The following FBXL17 variants were observed in gnomAD, a reference collection of about 807,000 sequenced individuals.
FBXL17 encodes F-box/LRR-repeat protein 17.
Under a neutral mutation model 66.2 loss-of-function variants are expected in FBXL17, and 22 were observed. That is an observed-to-expected ratio of 0.33 (90% CI 0.24 to 0.47). FBXL17 has a LOEUF of 0.47. Among genes scored for constraint, FBXL17 ranks in the 20% least tolerant of loss-of-function variants. FBXL17 has a pLI of 1.00. For synonymous variants in FBXL17, 474 were observed against 400.5 expected, an observed-to-expected ratio of 1.18 and a Z score of -2.19; for missense variants, 878 against 948.2, an observed-to-expected ratio of 0.93 and a Z score of 0.97.
intron 6 of FBXL17, among the ~76,000 whole-genome samples, chr5:108,098,968 T>G (rs1437918128): frequency 6.6e-6 from 1 of 152,114 alleles, no homozygotes; most frequent in Non-Finnish European, 1.5e-5. Context: ...AGGCTCTGAA[T>G]TGCTATATTC....
At chr5:108,209,332 A>G (rs1172118603) in intron 5 of FBXL17, among the ~76,000 whole-genome samples, 1 of 152,116 alleles carries the variant, frequency 6.6e-6, no homozygotes, top group African/African-American at 2.4e-5. Context: ...CCTGGCCAGA[A>G]CTTCCAATAC....
intron 8 of FBXL17, among the ~76,000 whole-genome samples, chr5:107,877,623 G>A (rs939481456): frequency 3.3e-5 from 5 of 152,066 alleles, no homozygotes; most frequent in African/African-American, 1.2e-4. Context: ...GAATGCCAGC[G>A]CAAGGACACA....
Position 108,382,015 on chromosome 5 carries a change from C to T in FBXL17, c.-324G>A, listed in dbSNP as rs920667521. On this transcript the variant is annotated 5_prime_UTR_variant, in exon 1 of 9. Coordinates refer to ENST00000542267, the MANE Select transcript of FBXL17 (RefSeq NM_001163315.3). ...GGCCCGGCCAGCCGGCTCAGTCAGTCAGCGGAGCGGCCGGGGAAAGGCCGG... is the reference window on the plus strand; with the variant it reads ...GGCCCGGCCAGCCGGCTCAGTCAGTTAGCGGAGCGGCCGGGGAAAGGCCGG... 4 of 1,117,456 alleles carry T rather than the reference C, an allele frequency of 3.6e-6. No individual in the cohort carries two copies. In the South Asian group the frequency reaches 1.3e-4, roughly 36 times the overall value. 69.2% of individuals were successfully genotyped at this position (1,117,456 alleles called of 1,614,324 possible).
At chr5:108,129,492 T>C (rs1750844491) in intron 6 of FBXL17, among the ~76,000 whole-genome samples, 1 of 152,102 alleles carries the variant, frequency 6.6e-6, no homozygotes, top group Non-Finnish European at 1.5e-5. Context: ...ATCATTTTCC[T>C]TTAGAATCAA....
At chr5:108,366,432 A>C (rs908473467) in intron 2 of FBXL17, among the ~76,000 whole-genome samples, 1 of 152,098 alleles carries the variant, frequency 6.6e-6, no homozygotes, top group Non-Finnish European at 1.5e-5. Context: ...TAACAGCCAA[A>C]GATAAAACTA....
At chr5:108,098,922 T>C (rs887528707) in intron 6 of FBXL17, among the ~76,000 whole-genome samples, 5 of 152,172 alleles carry the variant, frequency 3.3e-5, no homozygotes, top group Admixed American at 2.6e-4. Context: ...TTAGCTAGGA[T>C]GTAGCATTCT....
At chr5:108,208,923 T>C (rs1259345179) in intron 5 of FBXL17, among the ~76,000 whole-genome samples, 1 of 152,218 alleles carries the variant, frequency 6.6e-6, no homozygotes, top group Non-Finnish European at 1.5e-5. Context: ...TTTCATGATA[T>C]TGATTCTTCC....
chr5:108,366,357 G>T (rs1748664090), intron 2 of FBXL17, among the ~76,000 whole-genome samples: 1 of 151,816 alleles, frequency 6.6e-6, no homozygotes, highest in Non-Finnish European at 1.5e-5. Flanking sequence ...AAATAATGGA[G>T]ACAGAAAATG....
At chr5:107,938,816 T>C (rs983238689) in intron 7 of FBXL17, among the ~76,000 whole-genome samples, 2 of 152,196 alleles carry the variant, frequency 1.3e-5, no homozygotes, top group Admixed American at 6.5e-5. Flanking sequence ...GGCCCTTCTT[T>C]ATCCTTTGGT....
intron 4 of FBXL17, among the ~76,000 whole-genome samples, chr5:108,293,733 G>T (rs1419284269): frequency 6.6e-6 from 1 of 151,948 alleles, no homozygotes; most frequent in Non-Finnish European, 1.5e-5. Context: ...TAATAACGAG[G>T]ATCTCACTCA....
intron 8 of FBXL17, among the ~76,000 whole-genome samples, chr5:107,865,483 G>A (rs1748245975): frequency 6.6e-6 from 1 of 152,044 alleles, no homozygotes; most frequent in Admixed American, 6.6e-5. Flanking sequence ...TACCTATTTT[G>A]GCGGCACAAA....
chr5:108,079,604 A>G (rs1228003933), intron 6 of FBXL17, among the ~76,000 whole-genome samples: 7 of 152,234 alleles, frequency 4.6e-5, no homozygotes, highest in Admixed American at 3.9e-4. Context: ...TTCAAACTAA[A>G]AAAATCCCAT....
chr5:108,376,812 G>T (rs1749458642), intron 1 of FBXL17, among the ~76,000 whole-genome samples: 1 of 138,548 alleles, frequency 7.2e-6, no homozygotes, highest in South Asian at 2.2e-4. Context: ...TTTTGAGACA[G>T]AGTCTCACTC....
chr5:108,110,897 T>C (rs1750007574), intron 6 of FBXL17, among the ~76,000 whole-genome samples: 1 of 152,266 alleles, frequency 6.6e-6, no homozygotes. Context: ...GTGGTTAAAC[T>C]AAAATATCAT....
At chr5:108,289,389 C>G (rs1321569631) in intron 4 of FBXL17, among the ~76,000 whole-genome samples, 1 of 152,102 alleles carries the variant, frequency 6.6e-6, no homozygotes, top group Non-Finnish European at 1.5e-5. Context: ...AATAGCTCAG[C>G]CTCAATTACA....
chr5:108,234,128 G>A (rs1012893919), intron 4 of FBXL17, among the ~76,000 whole-genome samples: 2 of 152,066 alleles, frequency 1.3e-5, no homozygotes, highest in South Asian at 2.1e-4. Context: ...GGCAGTACAG[G>A]GTCACCAATT....
chr5:108,366,552 C>G (rs1247112886), intron 2 of FBXL17, among the ~76,000 whole-genome samples: 1 of 143,940 alleles, frequency 6.9e-6, no homozygotes, highest in African/African-American at 2.6e-5. Flanking sequence ...ACCTTACTAC[C>G]AGTAGCGGGC....
At position 108,348,471 on chromosome 5, in the gene FBXL17, T is replaced by G; in HGVS notation, c.1434A>C (p.Ser478=). 3.1e-6 allele frequency: 5 copies of G among 1,613,250 alleles called. No homozygotes were observed. Among genetic ancestry groups the G allele is most frequent in the Non-Finnish European group, 4.2e-6 (5 of 1,179,270 alleles). Residue 478 remains serine, a synonymous_variant, in exon 4 of 9, where the codon TCA becomes TCC. Coordinates refer to ENST00000542267, the MANE Select transcript of FBXL17 (RefSeq NM_001163315.3). ...TAGCTATGACGATCATGCCTTCATC[T>G]GAGATCTTGTAACACTGGCCGAAAT... ...DIHFGQCYKI[S]DEGMIVIAKG... is the part of the protein sequence containing the mutation.
At chr5:107,952,607 A>C (rs1751532049) in intron 7 of FBXL17, among the ~76,000 whole-genome samples, 1 of 152,252 alleles carries the variant, frequency 6.6e-6, no homozygotes, top group African/African-American at 2.4e-5. Context: ...TACCATCAAA[A>C]AGCTCAGATA....
Sources: allele counts gnomAD v4.1 joint callset (sites outside exome capture counted in the v4.1 genomes callset), GRCh38; gene constraint gnomAD v4.1.1; transcripts MANE v1.5; gene names NCBI Gene and HGNC (gene_info 2026-07-23, HGNC 2026-07-21).